DMD: variants seen among roughly 807,000 people sequenced by gnomAD.
DMD encodes the protein mutant dystrophin.
In DMD, 63 loss-of-function variants were observed where a neutral mutation model predicts 330.1. The ratio of observed to expected loss-of-function variants is 0.19; its 90% CI spans 0.16 to 0.24. The LOEUF is 0.24. DMD is among the 10% of genes least tolerant of loss of function. DMD has a pLI of 1.00. For missense variants in DMD, 3,344 were observed against 2,684.1 expected, an observed-to-expected ratio of 1.25 and a Z score of -5.43; for synonymous variants, 1,223 against 959.8, an observed-to-expected ratio of 1.27 and a Z score of -5.07.
At chrX:33,314,303 G>A (rs1166969016) in intron 1 of DMD, among the ~76,000 whole-genome samples, 3 of 109,526 alleles carry the variant, frequency 2.7e-5, no homozygotes, top group African/African-American at 1.0e-4. Context: ...TGTCGCCCAG[G>A]CTGGAGTGTG....
At chrX:32,336,077 CAT>C (rs72448190) in intron 41 of DMD, among the ~76,000 whole-genome samples, 2,546 of 97,416 alleles carry the variant, frequency 0.026, 97 homozygotes, top group African/African-American at 0.088. Context: ...GTGTGTATAA[CAT>C]GTTATATATA....
chrX:32,213,687 C>T (rs778722368), intron 44 of DMD, among the ~76,000 whole-genome samples: 23 of 111,680 alleles, frequency 2.1e-4, no homozygotes, highest in Non-Finnish European at 4.3e-4. Context: ...TTAAAATTAT[C>T]CAGTTGGCCA....
intron 2 of DMD, among the ~76,000 whole-genome samples, chrX:33,016,508 C>G: frequency 9.0e-6 from 1 of 111,318 alleles, no homozygotes; most frequent in Middle Eastern, 4.6e-3. Flanking sequence ...TATTGGGCCA[C>G]AAGAATAAGC....
At chrX:32,262,814 T>C (rs1195171851) in intron 43 of DMD, among the ~76,000 whole-genome samples, 1 of 111,883 alleles carries the variant, frequency 8.9e-6, no homozygotes, top group African/African-American at 3.3e-5. Context: ...GAGGCTCACA[T>C]CTAATGACTA....
chrX:32,567,576 A>G (rs925505826), intron 15 of DMD, among the ~76,000 whole-genome samples: 1 of 111,885 alleles, frequency 8.9e-6, no homozygotes, highest in African/African-American at 3.2e-5. Flanking sequence ...TTAAATTTTT[A>G]GAAGAGACAG....
At chrX:31,183,682 T>G (rs2041409409) in intron 67 of DMD, among the ~76,000 whole-genome samples, 1 of 111,211 alleles carries the variant, frequency 9.0e-6, no homozygotes, top group Admixed American at 9.6e-5. Flanking sequence ...TAGGATTGTT[T>G]TAATTTTTTA....
chrX:32,664,231 G>A (rs370792330), intron 9 of DMD, among the ~76,000 whole-genome samples: 66 of 106,041 alleles, frequency 6.2e-4, no homozygotes, highest in African/African-American at 2.3e-3. Context: ...AGGTGGACCT[G>A]GCATAGGTTT....
Position 32,643,217 on chromosome X carries a change from CTTAT to C in DMD, c.1331+911_1331+914del, listed in dbSNP as rs767655121. Among the ~76,000 whole-genome samples, 4 of 111,039 alleles carry C rather than the reference CTTAT, an allele frequency of 3.6e-5. No homozygotes were observed. In the East Asian group the frequency reaches 1.1e-3, roughly 32 times the overall value. ...TATGAAACCTCTATCTTACATGTAC[CTTAT>C]TTATTCTTTCAAAAGGCCTGAGCTT... On this transcript the variant is annotated intron_variant, in intron 11 of 78. Transcript: ENST00000357033.
At chrX:31,591,675 T>C (rs1181777045) in intron 55 of DMD, among the ~76,000 whole-genome samples, 1 of 111,113 alleles carries the variant, frequency 9.0e-6, no homozygotes, top group Non-Finnish European at 1.9e-5. Context: ...AAAGAATCAA[T>C]AGCATTTCCC....
chrX:33,316,921 A>G (rs1316710579), intron 1 of DMD, among the ~76,000 whole-genome samples: 1 of 111,142 alleles, frequency 9.0e-6, no homozygotes, highest in Non-Finnish European at 1.9e-5. Context: ...TTCAGGATAT[A>G]TATCTCATAT....
intron 16 of DMD, among the ~76,000 whole-genome samples, chrX:32,554,662 G>T (rs981321756): frequency 1.9e-5 from 2 of 107,721 alleles, no homozygotes; most frequent in African/African-American, 3.3e-5. Context: ...GGTCCAGATG[G>T]AATCATAGCT....
intron 44 of DMD, among the ~76,000 whole-genome samples, chrX:32,156,456 G>A (rs1469037612): frequency 3.6e-5 from 4 of 112,151 alleles, no homozygotes; most frequent in African/African-American, 1.3e-4. Context: ...GTTGAAAACC[G>A]TATGTATTAT....
chrX:32,812,146 C>T (rs2077412970), intron 6 of DMD, among the ~76,000 whole-genome samples: 1 of 110,824 alleles, frequency 9.0e-6, no homozygotes, highest in Admixed American at 9.6e-5. Context: ...CTGTTGAGAG[C>T]TATGAAACTT....
intron 45 of DMD, among the ~76,000 whole-genome samples, chrX:31,951,136 T>TAC (rs2095162513): frequency 3.8e-5 from 3 of 78,789 alleles, no homozygotes; most frequent in Admixed American, 2.7e-4. Context: ...TATATATATA[T>TAC]ATATGTGTAT....
intron 44 of DMD, among the ~76,000 whole-genome samples, chrX:32,125,691 T>G (rs1299909313): frequency 8.9e-6 from 1 of 111,877 alleles, no homozygotes; most frequent in Non-Finnish European, 1.9e-5. Context: ...TTTGGAACCT[T>G]GTGTAGTGAA....
At chrX:33,122,267 C>T (rs1242199637) in intron 1 of DMD, among the ~76,000 whole-genome samples, 1 of 112,195 alleles carries the variant, frequency 8.9e-6, no homozygotes, top group Non-Finnish European at 1.9e-5. Flanking sequence ...AAACAAAAAT[C>T]AAAGGTGGTG....
At chrX:33,338,396 G>A (rs1315681067) in intron 1 of DMD, among the ~76,000 whole-genome samples, 1 of 109,636 alleles carries the variant, frequency 9.1e-6, no homozygotes, top group African/African-American at 3.3e-5. Context: ...TTGCAAAACA[G>A]AGAAAGGGTT....
At chrX:32,007,358 G>A (rs1376776068) in intron 44 of DMD, among the ~76,000 whole-genome samples, 1 of 109,708 alleles carries the variant, frequency 9.1e-6, no homozygotes, top group East Asian at 2.9e-4. Context: ...GGGGCTACCA[G>A]AAGCTGGAAG....
chrX:32,207,008 G>A (rs770914366), intron 44 of DMD, among the ~76,000 whole-genome samples: 3 of 111,341 alleles, frequency 2.7e-5, no homozygotes, highest in Non-Finnish European at 3.8e-5. Flanking sequence ...GAAATGGTGG[G>A]TAGACAAAAG....
Sources: allele counts gnomAD v4.1 joint callset (sites outside exome capture counted in the v4.1 genomes callset), GRCh38; gene constraint gnomAD v4.1.1; transcripts MANE v1.5; gene names NCBI Gene and HGNC (gene_info 2026-07-23, HGNC 2026-07-21).